BBS7: variants seen among roughly 807,000 people sequenced by gnomAD.
BBS7 encodes BBSome complex member BBS7.
In BBS7, 50 loss-of-function variants were observed where a neutral mutation model predicts 90.3. That is an observed-to-expected ratio of 0.55 (90% CI 0.44 to 0.70). BBS7 has a LOEUF of 0.70. BBS7 is among the 30% of genes least tolerant of loss of function. The probability of loss-of-function intolerance (pLI) is 0.00; values close to 1 mark genes in which losing one functional copy is unlikely to be tolerated. For synonymous variants in BBS7, 235 were observed against 287.4 expected (o/e 0.82, Z 1.85); for missense variants, 729 against 838.9 (o/e 0.87, Z 1.62).
rs797000195 is a variant in BBS7, at chr4:121,857,111, T to C, written c.529-1550A>G. Among the ~76,000 whole-genome samples the C allele has an allele frequency of 2.3e-4, 32 of 136,380 alleles. 1 individual carries two copies. Among genetic ancestry groups the C allele is most frequent in the African/African-American group, 8.8e-4 (31 of 35,384 alleles). The allele number at this position is 136,380 out of a possible 152,430, so 89.5% of individuals were successfully genotyped here. On this transcript the variant is annotated intron_variant, in intron 5 of 18. Coordinates refer to ENST00000264499, the MANE Select transcript of BBS7 (RefSeq NM_176824.3). ...TTATTTAGAAAACGTAAGAAAGCCA[T>C]ATGCTTTATCTTTTTTTTTTTTTTT... is the stretch of plus-strand genomic sequence containing the variant.
chr4:121,846,111 C>T (rs966700433), intron 10 of BBS7, among the ~76,000 whole-genome samples: 2 of 152,070 alleles, frequency 1.3e-5, no homozygotes, highest in Non-Finnish European at 2.9e-5. Flanking sequence ...CCAGTAAACA[C>T]GTAACTTTCA....
chr4:121,854,925 A>G (rs1380912504), intron 6 of BBS7, 105 bp from the exon 7 acceptor site: 1 of 1,101,300 alleles, frequency 9.1e-7, no homozygotes, highest in Non-Finnish European at 1.3e-6. Flanking sequence ...AGTACTATAA[A>G]AAGATATAAA....
Position 121,868,037 on chromosome 4 carries a change from T to C in BBS7, c.46A>G (p.Thr16Ala). The C allele has an allele frequency of 6.2e-7, 1 of 1,613,336 alleles. No homozygotes were observed. The stretch of plus-strand genomic sequence containing the variant: ...ATTAGCTTCATAGTCTTCTGAGATG[T>C]TACTCCCACCTAAAGAAAAACACCA... ...NRMDYLQVGV[T>A]SQKTMKLIPA... Residue 16 changes from threonine (T) to alanine (A), a missense_variant, in exon 2 of 19, where the codon ACA becomes GCA. Transcript: ENST00000264499.
At chr4:121,842,193 C>T (rs1207667989) in intron 12 of BBS7, among the ~76,000 whole-genome samples, 3 of 136,954 alleles carry the variant, frequency 2.2e-5, no homozygotes, top group Non-Finnish European at 4.5e-5. Context: ...GCGGAGGTTG[C>T]AGTGAGCTGA....
At chr4:121,855,797 T>A (rs1357208466) in intron 5 of BBS7, among the ~76,000 whole-genome samples, 1 of 151,670 alleles carries the variant, frequency 6.6e-6, no homozygotes, top group Non-Finnish European at 1.5e-5. Context: ...TATACGTATA[T>A]ATACAGATAT....
chr4:121,830,554 T>C (rs1725131816), intron 15 of BBS7, among the ~76,000 whole-genome samples: 1 of 152,370 alleles, frequency 6.6e-6, no homozygotes, highest in Middle Eastern at 3.4e-3. Flanking sequence ...TGCCAGGTAC[T>C]ATAGAATGAC....
intron 3 of BBS7, 77 bp downstream of exon 3, chr4:121,863,140 T>C (rs1314275329): frequency 3.0e-5 from 43 of 1,418,948 alleles, no homozygotes; most frequent in Non-Finnish European, 4.3e-5. Context: ...TTAGGAAATT[T>C]TTAACCTAGT....
intron 2 of BBS7, among the ~76,000 whole-genome samples, chr4:121,864,542 T>A (rs1255692281): frequency 6.6e-6 from 1 of 152,226 alleles, no homozygotes; most frequent in Non-Finnish European, 1.5e-5. Flanking sequence ...AAACATGTAA[T>A]AATTTTTTTA....
chr4:121,840,864 G>C (rs1725703165), intron 12 of BBS7, among the ~76,000 whole-genome samples: 1 of 148,428 alleles, frequency 6.7e-6, no homozygotes, highest in Non-Finnish European at 1.5e-5. Flanking sequence ...TTGAGACAGA[G>C]TCTTGCTGTG....
chr4:121,837,340 G>C (rs570619554), intron 13 of BBS7, among the ~76,000 whole-genome samples: 1 of 152,100 alleles, frequency 6.6e-6, no homozygotes, highest in African/African-American at 2.4e-5. Context: ...GTAACAGTAG[G>C]CTGTTTATAT....
intron 15 of BBS7, among the ~76,000 whole-genome samples, chr4:121,831,059 G>A (rs1334384229): frequency 2.6e-5 from 4 of 152,068 alleles, no homozygotes; most frequent in Non-Finnish European, 4.4e-5. Context: ...ACAAAAATTA[G>A]CTGGGCGTGG....
At chr4:121,866,711 C>T (rs1727296337) in intron 2 of BBS7, among the ~76,000 whole-genome samples, 1 of 152,118 alleles carries the variant, frequency 6.6e-6, no homozygotes. Flanking sequence ...CTGTTCTTGG[C>T]TCTTTTGTCA....
At chr4:121,834,441 T>C (rs1217104439) in intron 14 of BBS7, among the ~76,000 whole-genome samples, 1 of 152,194 alleles carries the variant, frequency 6.6e-6, no homozygotes, top group Admixed American at 6.5e-5. Context: ...AATTATATAT[T>C]TTAAATTATA....
chr4:121,847,380 A>AGTATTG, intron 10 of BBS7, 24 bp downstream of exon 10: 1 of 1,486,984 alleles, frequency 6.7e-7, no homozygotes, highest in Non-Finnish European at 9.4e-7. Context: ...TTTTTAAAAA[A>AGTATTG]GCAAATAAAA....
intron 15 of BBS7, among the ~76,000 whole-genome samples, chr4:121,832,040 ACAC>A (rs1725213430): frequency 6.6e-6 from 1 of 150,868 alleles, no homozygotes; most frequent in Non-Finnish European, 1.5e-5. Flanking sequence ...ACACACACAC[ACAC>A]AAAACAAACA....
At chr4:121,844,552 G>C (rs1336769725) in intron 11 of BBS7, among the ~76,000 whole-genome samples, 1 of 150,900 alleles carries the variant, frequency 6.6e-6, no homozygotes, top group Non-Finnish European at 1.5e-5. Context: ...TTAATAATCT[G>C]ATCTCTCCAT....
intron 8 of BBS7, among the ~76,000 whole-genome samples, chr4:121,851,390 AAAAG>A (rs1245859603): frequency 9.3e-5 from 14 of 150,562 alleles, no homozygotes; most frequent in African/African-American, 3.2e-4. Flanking sequence ...AAAAAAAAAA[AAAAG>A]AAAGGAAAAA....
intron 9 of BBS7, among the ~76,000 whole-genome samples, chr4:121,847,741 C>T (rs1726089857): frequency 1.3e-5 from 2 of 151,640 alleles, no homozygotes; most frequent in South Asian, 4.2e-4. Context: ...GCCTGAAATA[C>T]TGTAATACTA....
intron 2 of BBS7, among the ~76,000 whole-genome samples, chr4:121,865,399 T>C (rs956271595): frequency 6.6e-6 from 1 of 152,056 alleles, no homozygotes; most frequent in Non-Finnish European, 1.5e-5. Context: ...CCATCGTGCC[T>C]GGCTAATTTT....
Sources: gnomAD v4.1 joint callset for allele counts (sites outside exome capture counted in the v4.1 genomes callset) on GRCh38, gnomAD v4.1.1 for gene constraint, MANE v1.5 for transcripts, NCBI Gene and HGNC (gene_info 2026-07-23, HGNC 2026-07-21) for gene names.